Variants in NMRK1 observed in about 807,000 individuals in gnomAD.
NMRK1 encodes nicotinamide riboside kinase 1, also known as NRK 1.
A neutral mutation model predicts 29.9 loss-of-function variants in NMRK1; 28 were observed. The observed-to-expected ratio is 0.94, with a 90% confidence interval of 0.69 to 1.28. The LOEUF is 1.28. Ranked by LOEUF, NMRK1 falls within the 50% of genes most tolerant of loss-of-function variation. The pLI, the probability that NMRK1 is intolerant of heterozygous loss-of-function variation, is 0.00. For missense variants in NMRK1, 218 were observed against 233.1 expected (o/e 0.94, Z 0.42); for synonymous variants, 58 against 73.0 (o/e 0.79, Z 1.05).
rs182462951 is a variant in NMRK1, at chr9:75,082,908, C to T, written c.29+179G>A. ...CTTCTGTTTCTCTGTTTATAGAAAA[C>T]TCTTCCATCTCTTGTTGGCATTTAT... On this transcript the variant is annotated intron_variant, in intron 2 of 8. Coordinates refer to ENST00000361092, the MANE Select transcript of NMRK1 (RefSeq NM_017881.3). The T allele has an allele frequency of 5.1e-4, 297 of 582,348 alleles. 1 individual carries two copies. The highest frequency in any genetic ancestry group is 4.7e-3 in the East Asian group (163 of 34,756). 36.1% of individuals were successfully genotyped at this position (582,348 alleles called of 1,614,324 possible).
intron 4 of NMRK1, among the ~76,000 whole-genome samples, chr9:75,072,983 C>T (rs1823783264): frequency 6.6e-6 from 1 of 152,166 alleles, no homozygotes; most frequent in Non-Finnish European, 1.5e-5. Flanking sequence ...GTCTGTGAGT[C>T]TCATTAGTGG....
In NMRK1 at chr9:75,077,473, A is replaced by C. The variant is rs535834571; in HGVS notation, c.120+17T>G. On this transcript the variant is annotated intron_variant, in intron 3 of 8. Transcript: ENST00000361092. ...ATTTTTGTATTAAATAAATAATTTA[A>C]GAAGTTTTATAGATACCTTGAAGAA... is the stretch of plus-strand genomic sequence containing the variant. The C allele has an allele frequency of 1.3e-6, 2 of 1,498,916 alleles. No individual in the cohort carries two copies. The highest frequency in any genetic ancestry group is 1.7e-4 in the Middle Eastern group (1 of 5,774). The allele number at this position is 1,498,916 out of a possible 1,614,324, so 92.9% of individuals were successfully genotyped here. A position where few individuals can be genotyped will look rare whatever the true frequency, so the allele number is the denominator to read the frequency against.
chr9:75,076,736 T>G (rs1349377078), intron 4 of NMRK1, among the ~76,000 whole-genome samples: 1 of 152,102 alleles, frequency 6.6e-6, no homozygotes, highest in Non-Finnish European at 1.5e-5. Context: ...ACTACAGGCA[T>G]GCACCACCAC....
chr9:75,081,856 T>C (rs1824341781), intron 2 of NMRK1, among the ~76,000 whole-genome samples: 1 of 152,144 alleles, frequency 6.6e-6, no homozygotes. Context: ...AGTGACAGGC[T>C]ATGAAGAAAC....
rs1402736164 is a variant in NMRK1 at position 75,069,118 on chromosome 9, G to T, written c.390-16C>A. ...GACCCTTGTACTATCAAAACACGTA[G>T]GAAACTTTATGTTGACAGAAACACA... is the stretch of plus-strand genomic sequence containing the variant. On this transcript the variant is annotated splice_polypyrimidine_tract_variant and intron_variant, in intron 6 of 8. Transcript: ENST00000361092. 6.4e-7 allele frequency: 1 copy of T among 1,554,760 alleles called. No individual in the cohort carries two copies.
At position 75,066,564 on chromosome 9, in the gene NMRK1, TA is replaced by T. The variant is rs940411334; in HGVS notation, c.580+192del. On this transcript the variant is annotated intron_variant, in intron 8 of 8. Transcript: ENST00000361092. ...AACAAAGGGTACATGGTTTTACCCC[TA>T]AAAACAGACAAAATAATTGAGTCTC... Among the ~76,000 whole-genome samples, 10 of 144,304 alleles carry T rather than the reference TA, an allele frequency of 6.9e-5. No individual in the cohort carries two copies. The Admixed American group carries it at 7.2e-4, about 10-fold the overall frequency. 94.7% of individuals were successfully genotyped at this position (144,304 alleles called of 152,430 possible). A position where few individuals can be genotyped will look rare whatever the true frequency, so the allele number is the denominator to read the frequency against.
chr9:75,067,798 G>C (rs1042768804), intron 7 of NMRK1, among the ~76,000 whole-genome samples: 2 of 152,222 alleles, frequency 1.3e-5, no homozygotes, highest in African/African-American at 4.8e-5. Flanking sequence ...CACTCTGTGT[G>C]CATTCCACAT....
chr9:75,066,339 T>C lies in NMRK1; in HGVS notation c.580+418A>G, dbSNP rs1051195677. Reference sequence around the variant, plus strand: ...TCATAATACTTTTTAAAATCTTTTGTTTATCTTTGAGGTATTTGGAAAGTA... The same window carrying C: ...TCATAATACTTTTTAAAATCTTTTGCTTATCTTTGAGGTATTTGGAAAGTA... On this transcript the variant is annotated intron_variant, in intron 8 of 8. Transcript: ENST00000361092. 3.3e-5 allele frequency: 16 copies of C among 490,676 alleles called. No homozygotes were observed. The Admixed American group carries it at 3.5e-4, about 11-fold the overall frequency. 30.4% of individuals were successfully genotyped at this position (490,676 alleles called of 1,614,324 possible).
At chr9:75,071,047 A>C (rs1223494901) in intron 4 of NMRK1, among the ~76,000 whole-genome samples, 1 of 151,984 alleles carries the variant, frequency 6.6e-6, no homozygotes, top group African/African-American at 2.4e-5. Context: ...TTATGTCTTA[A>C]ACCAAATTTG....
chr9:75,066,338 G>A (rs1823346556), intron 8 of NMRK1: 2 of 489,760 alleles, frequency 4.1e-6, no homozygotes, highest in Non-Finnish European at 8.1e-6. Context: ...AAAATCTTTT[G>A]TTTATCTTTG....
chr9:75,069,678 C>A, intron 6 of NMRK1, 64 bp downstream of exon 6: 1 of 1,293,264 alleles, frequency 7.7e-7, no homozygotes, highest in South Asian at 1.2e-5. Flanking sequence ...ATGTTGCTGT[C>A]CTCATTTTTC....
At chr9:75,082,999 G>T in intron 2 of NMRK1, 88 bp downstream of exon 2, 1 of 951,636 alleles carries the variant, frequency 1.1e-6, no homozygotes, top group Non-Finnish European at 1.7e-6. Flanking sequence ...AATCCTCACT[G>T]CTTCTCCGTC....
intron 4 of NMRK1, among the ~76,000 whole-genome samples, chr9:75,070,287 G>C (rs554732391): frequency 1.4e-4 from 21 of 152,062 alleles, no homozygotes; most frequent in Non-Finnish European, 2.8e-4. Flanking sequence ...GAACTCCTAG[G>C]TCCCTATTAC....
At chr9:75,065,698 C>G (rs144552358) in intron 8 of NMRK1, among the ~76,000 whole-genome samples, 23 of 152,294 alleles carry the variant, frequency 1.5e-4, no homozygotes, top group African/African-American at 5.1e-4. Flanking sequence ...CCTGGCCAAT[C>G]AGAGTATGCC....
At chr9:75,069,594 A>G in intron 6 of NMRK1, 148 bp downstream of exon 6, 1 of 664,356 alleles carries the variant, frequency 1.5e-6, no homozygotes, top group East Asian at 2.8e-5. Context: ...ATTTATGGAA[A>G]AGAGTTTTGC....
At position 75,077,540 on chromosome 9, in the gene NMRK1, G is replaced by T; in HGVS notation, c.70C>A (p.Gln24Lys). 6.2e-7 allele frequency: 1 copy of T among 1,613,580 alleles called. No individual in the cohort carries two copies. Among genetic ancestry groups the T allele is most frequent in the Non-Finnish European group, 8.5e-7 (1 of 1,179,556 alleles). The change falls in exon 3 of 9, where the codon CAG (glutamine) becomes AAG (lysine). Residue 24 changes from glutamine to lysine, a missense_variant. Gln to Lys is a moderately conservative substitution (Grantham distance 53, BLOSUM62 1). Coordinates refer to ENST00000361092, the MANE Select transcript of NMRK1 (RefSeq NM_017881.3). ...ACACTGCAATTTGGGAGGTGTTTCT[G>T]CAAATTCTTAGCCAGTGTTGTTTTG... ...SGKTTLAKNL[Q>K]KHLPNCSVIS...
intron 4 of NMRK1, among the ~76,000 whole-genome samples, chr9:75,071,040 TGTC>T (rs1823669304): frequency 1.3e-5 from 2 of 152,138 alleles, no homozygotes; most frequent in Non-Finnish European, 2.9e-5. Context: ...TGAAGTTTTA[TGTC>T]TTAAACCAAA....
At chr9:75,085,930 C>A (rs375462972) in intron 1 of NMRK1, among the ~76,000 whole-genome samples, 1 of 101,438 alleles carries the variant, frequency 9.9e-6, no homozygotes, top group Non-Finnish European at 1.8e-5. Context: ...GTGACTAGGG[C>A]GGGGTGGGGG....
intron 8 of NMRK1, among the ~76,000 whole-genome samples, 155 bp downstream of exon 8, chr9:75,066,602 C>T (rs1436158506): frequency 6.6e-6 from 1 of 152,116 alleles, no homozygotes; most frequent in African/African-American, 2.4e-5. Context: ...AAACCCCCCC[C>T]CAGAATTTCT....
Sources: allele counts gnomAD v4.1 joint callset (sites outside exome capture counted in the v4.1 genomes callset), GRCh38; gene constraint gnomAD v4.1.1; transcripts MANE v1.5; gene names NCBI Gene and HGNC (gene_info 2026-07-23, HGNC 2026-07-21).